ZNF208: variants seen among roughly 807,000 people sequenced by gnomAD.
ZNF208 encodes the protein zinc finger protein 208.
In ZNF208, 10 loss-of-function variants were observed where a neutral mutation model predicts 12.1. That is an observed-to-expected ratio of 0.83 (90% CI 0.51 to 1.40). The LOEUF is 1.40. Among genes scored for constraint, ZNF208 ranks in the 40% most tolerant of loss-of-function variants. The probability of loss-of-function intolerance (pLI) is 0.00; values close to 1 mark genes in which losing one functional copy is unlikely to be tolerated. For missense variants in ZNF208, 1,652 were observed against 1,485.0 expected, an observed-to-expected ratio of 1.11 and a Z score of -1.85; for synonymous variants, 497 against 488.4, an observed-to-expected ratio of 1.02 and a Z score of -0.23.
At chr19:21,978,333 G>A (rs1234266066) in intron 3 of ZNF208, among the ~76,000 whole-genome samples, 1 of 152,186 alleles carries the variant, frequency 6.6e-6, no homozygotes, top group Non-Finnish European at 1.5e-5. Flanking sequence ...GCTCTGGCTG[G>A]CACATGGCAG....
intron 1 of ZNF208, among the ~76,000 whole-genome samples, chr19:22,003,684 T>C (rs1184126537): frequency 2.0e-5 from 3 of 152,130 alleles, no homozygotes; most frequent in African/African-American, 7.2e-5. Context: ...TGAAAAGCAG[T>C]GTGGTGATTC....
At chr19:22,001,905 A>G (rs1365781495) in intron 1 of ZNF208, among the ~76,000 whole-genome samples, 2 of 139,010 alleles carry the variant, frequency 1.4e-5, no homozygotes, top group African/African-American at 5.8e-5. Flanking sequence ...AAAAAAAAAA[A>G]AAAAAAAAAA....
At chr19:22,006,587 AG>A (rs1971048303) in intron 1 of ZNF208, among the ~76,000 whole-genome samples, 4 of 152,040 alleles carry the variant, frequency 2.6e-5, no homozygotes. Flanking sequence ...CTCACTATAG[AG>A]GCTTCTTCCA....
chr19:21,997,901 A>G (rs1193756841), intron 1 of ZNF208: 1 of 152,122 alleles, frequency 6.6e-6, no homozygotes, highest in Non-Finnish European at 1.5e-5. Context: ...CACACAATGC[A>G]TTAGAGAGAA....
intron 1 of ZNF208, among the ~76,000 whole-genome samples, chr19:22,009,911 C>T (rs554413855): frequency 6.6e-6 from 1 of 152,162 alleles, no homozygotes; most frequent in South Asian, 2.1e-4. Context: ...CAAGGCCGGG[C>T]GCGGTGGCTT....
chr19:22,008,073 G>A (rs1292593028), intron 1 of ZNF208, among the ~76,000 whole-genome samples: 1 of 149,834 alleles, frequency 6.7e-6, no homozygotes, highest in African/African-American at 2.5e-5. Flanking sequence ...GGGAGGCTGA[G>A]GCAGCCAGAT....
chr19:21,989,920 T>C (rs1334049653), intron 1 of ZNF208, among the ~76,000 whole-genome samples: 1 of 152,192 alleles, frequency 6.6e-6, no homozygotes, highest in Non-Finnish European at 1.5e-5. Flanking sequence ...GCCCACTTTT[T>C]GATGGGGTTG....
At position 21,971,893 on chromosome 19, in the gene ZNF208, A is replaced by T. The variant is rs748863902; in HGVS notation, c.3141T>A (p.His1047Gln). 9 of 1,529,808 alleles carry T rather than the reference A, an allele frequency of 5.9e-6. No homozygotes were observed. Among genetic ancestry groups the T allele is most frequent in the Non-Finnish European group, 8.0e-6 (9 of 1,122,154 alleles). 94.8% of individuals were successfully genotyped at this position (1,529,808 alleles called of 1,614,324 possible). ...GTTTTTCTCCAGCATGAGTTGCCTT[A>T]TGTTCAGTAAGGCTTGAGGGCCAGC... Reference protein sequence around the residue: ...AFSWPSSLTEHKATHAGEKPY... With the variant: ...AFSWPSSLTEQKATHAGEKPY... Residue 1047 changes from histidine to glutamine, a missense_variant, in exon 4 of 4, where the codon CAT (histidine) becomes CAA (glutamine). His to Gln is a conservative substitution (Grantham distance 24). Transcript: ENST00000397126.
At position 21,971,017 on chromosome 19, in the gene ZNF208, A is replaced by T. The variant is rs1164357678; in HGVS notation, c.*174T>A. Among the ~76,000 whole-genome samples the T allele has an allele frequency of 6.6e-6, 1 of 151,660 alleles. No homozygotes were observed. The highest frequency in any genetic ancestry group is 6.6e-5 in the Admixed American group (1 of 15,198). On this transcript the variant is annotated 3_prime_UTR_variant, in exon 4 of 4. Coordinates refer to ENST00000397126, the MANE Select transcript of ZNF208 (RefSeq NM_007153.3). ...TACTAAAGCCTTTACCACATTCTTC[A>T]CATTTGTAGGGTGTCTCTCCAGTAT...
Position 21,971,194 on chromosome 19 carries a change from G to C in ZNF208, c.3840C>G (p.Leu1280=), listed in dbSNP as rs371441419. ...KHKKIHTGEK[L] ...CTTTGCCACATTCTTCACATTTCTA[G>C]AGTTTCTCTCCAGTATGAATTTTCT... The change falls in exon 4 of 4, where the codon CTC becomes CTG. Residue 1280 remains leucine (L), a synonymous_variant. Transcript: ENST00000397126. 2 of 1,611,350 alleles carry C rather than the reference G, an allele frequency of 1.2e-6. No individual in the cohort carries two copies. Among genetic ancestry groups the C allele is most frequent in the Non-Finnish European group, 1.7e-6 (2 of 1,179,490 alleles).
At chr19:21,944,987 C>G (rs1457004239) in intron 4 of ZNF208, among the ~76,000 whole-genome samples, 4 of 152,216 alleles carry the variant, frequency 2.6e-5, no homozygotes, top group Non-Finnish European at 4.4e-5. Flanking sequence ...CCCCTGTAAA[C>G]AGCATGCACA....
chr19:21,987,459 T>C lies in ZNF208; in HGVS notation c.131-148A>G, dbSNP rs1970647957. 4.4e-6 allele frequency: 4 copies of C among 917,042 alleles called. No homozygotes were observed. In the African/African-American group the frequency reaches 5.3e-5, roughly 12 times the overall value. The allele number at this position is 917,042 out of a possible 1,614,324, so 56.8% of individuals were successfully genotyped here. On this transcript the variant is annotated intron_variant, in intron 2 of 3. Coordinates refer to ENST00000397126, the MANE Select transcript of ZNF208 (RefSeq NM_007153.3). ...TATAATAAGTTGGGAAAAAGGCTTA[T>C]GGGGTGCCTGTATAAGCTGGCCATA...
chr19:21,962,674 A>C (rs12971678), downstream of ZNF208, among the ~76,000 whole-genome samples: 1,725 of 152,236 alleles, frequency 0.011, 15 homozygotes, highest in Middle Eastern at 0.041. Flanking sequence ...TAGAGCTGAG[A>C]AAAGCAGTTT....
At position 21,970,583 on chromosome 19, in the gene ZNF208, C is replaced by G. The variant is rs892046899; in HGVS notation, c.*608G>C. On this transcript the variant is annotated 3_prime_UTR_variant, in exon 4 of 4. Coordinates refer to ENST00000397126, the MANE Select transcript of ZNF208 (RefSeq NM_007153.3). ...GTAAGGTGTGAGGACCAGTTGAAGT[C>G]TTTATCACATTCTTCACATTTGTAG... 1.2e-6 allele frequency: 1 copy of G among 822,240 alleles called. No homozygotes were observed. The highest frequency in any genetic ancestry group is 2.0e-6 in the Non-Finnish European group (1 of 508,756). The allele number at this position is 822,240 out of a possible 1,614,324, so 50.9% of individuals were successfully genotyped here.
At chr19:22,009,819 C>G (rs1479579699) in intron 1 of ZNF208, among the ~76,000 whole-genome samples, 1 of 151,572 alleles carries the variant, frequency 6.6e-6, no homozygotes, top group Non-Finnish European at 1.5e-5. Flanking sequence ...AAATTTCAGG[C>G]TTAACACACT....
chr19:22,010,884 C>A lies in ZNF208; in HGVS notation c.-90G>T. On this transcript the variant is annotated 5_prime_UTR_variant, in exon 1 of 4. Transcript: ENST00000397126. ...GCCACAGAGGCTGGGACTCTAGGAGCAGAGGACACACAGCAGTAAGGACGA... is the reference window on the plus strand; with the variant it reads ...GCCACAGAGGCTGGGACTCTAGGAGAAGAGGACACACAGCAGTAAGGACGA... 1 of 1,580,678 alleles carries A rather than the reference C, an allele frequency of 6.3e-7. No homozygotes were observed. Among genetic ancestry groups the A allele is most frequent in the South Asian group, 1.1e-5 (1 of 90,198 alleles).
At chr19:21,962,169 T>C (rs1019153807), downstream of ZNF208, among the ~76,000 whole-genome samples, 4 of 152,166 alleles carry the variant, frequency 2.6e-5, no homozygotes, top group African/African-American at 9.6e-5. Context: ...ACAATTTATG[T>C]TCCTCTGCCA....
chr19:21,958,650 T>C (rs1434514480), intron 4 of ZNF208, among the ~76,000 whole-genome samples: 4 of 152,334 alleles, frequency 2.6e-5, no homozygotes, highest in African/African-American at 9.6e-5. Context: ...CTAAAAACTA[T>C]CAAGCTCCAA....
intron 3 of ZNF208, among the ~76,000 whole-genome samples, chr19:21,977,459 T>A (rs1274972277): frequency 6.6e-6 from 1 of 152,152 alleles, no homozygotes; most frequent in Non-Finnish European, 1.5e-5. Flanking sequence ...TCGTCTCCCC[T>A]GGGAAGTGCA....
Sources: allele counts gnomAD v4.1 joint callset (sites outside exome capture counted in the v4.1 genomes callset), GRCh38; gene constraint gnomAD v4.1.1; transcripts MANE v1.5; gene names NCBI Gene and HGNC (gene_info 2026-07-23, HGNC 2026-07-21).